The following ADAM22 variants were observed in gnomAD, a reference collection of about 807,000 sequenced individuals.
ADAM22 encodes the protein disintegrin and metalloproteinase domain-containing protein 22.
ADAM22 carries 65 observed loss-of-function variants against 144.6 expected under a neutral mutation model. The ratio of observed to expected loss-of-function variants is 0.45; its 90% confidence interval spans 0.37 to 0.55. The LOEUF is 0.55. ADAM22 is among the 20% of genes least tolerant of loss of function. The pLI is 0.00. For missense variants in ADAM22, 974 were observed against 1,184.9 expected, an observed-to-expected ratio of 0.82 and a Z score of 2.61; for synonymous variants, 391 against 412.6, an observed-to-expected ratio of 0.95 and a Z score of 0.63.
chr7:87,943,849 T>A (rs1270009290), intron 2 of ADAM22, among the ~76,000 whole-genome samples: 1 of 152,206 alleles, frequency 6.6e-6, no homozygotes, highest in Non-Finnish European at 1.5e-5. Flanking sequence ...ATTTTTCTTC[T>A]CCTTTTTAAA....
intron 7 of ADAM22, among the ~76,000 whole-genome samples, chr7:88,124,222 A>T (rs979307856): frequency 1.3e-5 from 2 of 151,872 alleles, no homozygotes; most frequent in African/African-American, 4.8e-5. Flanking sequence ...GAAATCCTTA[A>T]CTATAACTTT....
At chr7:88,086,231 C>A (rs77970454) in intron 4 of ADAM22, among the ~76,000 whole-genome samples, 2 of 152,150 alleles carry the variant, frequency 1.3e-5, no homozygotes, top group Non-Finnish European at 2.9e-5. Context: ...TTGTCCCCCC[C>A]TTGCAATTTA....
chr7:88,042,689 G>A (rs567381912), intron 3 of ADAM22, among the ~76,000 whole-genome samples: 2 of 151,752 alleles, frequency 1.3e-5, no homozygotes, highest in African/African-American at 4.8e-5. Flanking sequence ...TAGTAATTAT[G>A]TTCATCCTCC....
chr7:88,026,230 G>A (rs1468024821), intron 3 of ADAM22, among the ~76,000 whole-genome samples: 1 of 152,192 alleles, frequency 6.6e-6, no homozygotes, highest in East Asian at 1.9e-4. Flanking sequence ...ACAGAAGCAT[G>A]GCATCATCTG....
intron 2 of ADAM22, among the ~76,000 whole-genome samples, 163 bp downstream of exon 2, chr7:87,935,349 A>C (rs186314996): frequency 1.8e-3 from 281 of 152,314 alleles, no homozygotes; most frequent in Non-Finnish European, 3.4e-3. Context: ...AAGAAGGGGA[A>C]AAGGGTACAA....
intron 14 of ADAM22, among the ~76,000 whole-genome samples, chr7:88,139,057 A>G (rs564719665): frequency 6.6e-6 from 1 of 152,296 alleles, no homozygotes; most frequent in Non-Finnish European, 1.5e-5. Context: ...AGAGTCCTAC[A>G]CTAAGAGTTA....
chr7:88,185,950 A>G (rs1848199795), intron 29 of ADAM22: 1 of 152,382 alleles, frequency 6.6e-6, no homozygotes, highest in Non-Finnish European at 1.5e-5. Flanking sequence ...TGCAGCTGCA[A>G]CTAAATTACT....
chr7:88,152,765 G>A (rs1030847526), intron 20 of ADAM22, among the ~76,000 whole-genome samples: 1 of 151,972 alleles, frequency 6.6e-6, no homozygotes, highest in African/African-American at 2.4e-5. Context: ...TGCACCCTCT[G>A]CCTCCCGGGT....
In ADAM22 at chr7:88,155,902, T is replaced by G; in HGVS notation, c.1803T>G (p.Gly601=). The G allele has an allele frequency of 6.2e-7, 1 of 1,613,328 alleles. No individual in the cohort carries two copies. The highest frequency in any genetic ancestry group is 8.5e-7 in the Non-Finnish European group (1 of 1,179,548). The change falls in exon 22 of 32, where the codon GGT becomes GGG. Residue 601 remains glycine (G), a synonymous_variant. Transcript: ENST00000413139. ...TTTGATACAGGGATGTGCTTTGTGG[T>G]TACCTTTTGTGTACCAATATTGGCA... The part of the protein sequence containing the change: ...IQCNKRDVLC[G]YLLCTNIGNI...
intron 5 of ADAM22, among the ~76,000 whole-genome samples, chr7:88,109,191 A>G (rs1306264361): frequency 6.6e-6 from 1 of 152,070 alleles, no homozygotes. Flanking sequence ...TTCATAGCAA[A>G]TCTGTGGGAG....
intron 3 of ADAM22, among the ~76,000 whole-genome samples, chr7:87,982,092 CACACACACACACACACAT>C (rs1454647435): frequency 1.3e-5 from 2 of 150,056 alleles, no homozygotes; most frequent in African/African-American, 4.9e-5. Flanking sequence ...CACACACACA[CACACACACACACACACAT>C]GCATACACAA....
Position 88,199,861 on chromosome 7 carries a change from T to C in ADAM22, c.*3370T>C, listed in dbSNP as rs1046748461. On this transcript the variant is annotated 3_prime_UTR_variant, in exon 32 of 32. Transcript: ENST00000413139. ...AAAGAATTTTAAAATTGTGTTTGTA[T>C]ATAAGGTCAGTCTGGCATAGAATTT... 6 of 152,248 alleles carry C rather than the reference T, an allele frequency of 3.9e-5. No homozygotes were observed. Among genetic ancestry groups the C allele is most frequent in the South Asian group, 4.1e-4 (2 of 4,830 alleles). 9.4% of individuals were successfully genotyped at this position (152,248 alleles called of 1,614,324 possible). A position where few individuals can be genotyped will look rare whatever the true frequency, so the allele number is the denominator to read the frequency against.
chr7:87,947,001 T>C (rs1281475424), intron 2 of ADAM22, among the ~76,000 whole-genome samples: 2 of 152,000 alleles, frequency 1.3e-5, no homozygotes, highest in African/African-American at 4.8e-5. Context: ...GAGCTAAACA[T>C]TGGATACTCA....
At chr7:88,099,315 C>T (rs1228990941) in intron 4 of ADAM22, among the ~76,000 whole-genome samples, 1 of 152,166 alleles carries the variant, frequency 6.6e-6, no homozygotes, top group Non-Finnish European at 1.5e-5. Context: ...ATTACTCTGG[C>T]ATTGGCAATA....
intron 7 of ADAM22, among the ~76,000 whole-genome samples, chr7:88,121,444 C>A (rs554332525): frequency 6.6e-6 from 1 of 152,242 alleles, no homozygotes; most frequent in Admixed American, 6.5e-5. Flanking sequence ...CTTTAATAAA[C>A]AAATATTTAT....
At chr7:88,074,881 G>A (rs1813807099) in intron 3 of ADAM22, among the ~76,000 whole-genome samples, 1 of 152,102 alleles carries the variant, frequency 6.6e-6, no homozygotes, top group African/African-American at 2.4e-5. Flanking sequence ...GGAGTTTTTA[G>A]TTGGCTCAAT....
At chr7:88,121,887 A>G (rs913263069) in intron 7 of ADAM22, among the ~76,000 whole-genome samples, 1 of 152,210 alleles carries the variant, frequency 6.6e-6, no homozygotes, top group Non-Finnish European at 1.5e-5. Context: ...TTAGTTATCT[A>G]TTGCTGAGGA....
intron 31 of ADAM22, 144 bp downstream of exon 31, chr7:88,193,383 A>G: frequency 9.9e-7 from 1 of 1,013,852 alleles, no homozygotes; most frequent in Middle Eastern, 2.3e-4. Flanking sequence ...GAGATTCTTG[A>G]GACTTTTGGC....
At chr7:88,138,908 T>A (rs1833795459) in intron 14 of ADAM22, among the ~76,000 whole-genome samples, 1 of 152,242 alleles carries the variant, frequency 6.6e-6, no homozygotes. Context: ...GAGTTTACTG[T>A]CACTGCCAAG....
Sources: gnomAD v4.1 joint callset for allele counts (sites outside exome capture counted in the v4.1 genomes callset) on GRCh38, gnomAD v4.1.1 for gene constraint, MANE v1.5 for transcripts, NCBI Gene and HGNC (gene_info 2026-07-23, HGNC 2026-07-21) for gene names.